RB1CC1: variants seen among roughly 807,000 people sequenced by gnomAD.
The protein encoded by RB1CC1 is RB1 inducible coiled-coil 1, also known as RB1-inducible coiled-coil protein 1.
RB1CC1 carries 46 observed loss-of-function variants against 177.5 expected under a neutral mutation model. That is an observed-to-expected ratio of 0.26 (90% CI 0.20 to 0.33). The LOEUF is 0.33. Among genes scored for constraint, RB1CC1 ranks in the 10% least tolerant of loss-of-function variants. The probability of loss-of-function intolerance (pLI) is 1.00; values close to 1 mark genes in which losing one functional copy is unlikely to be tolerated. For missense variants in RB1CC1, 1,703 were observed against 1,816.3 expected (o/e 0.94, Z 1.13); for synonymous variants, 666 against 613.6 (o/e 1.09, Z -1.26).
intron 6 of RB1CC1, among the ~76,000 whole-genome samples, chr8:52,674,989 T>C (rs1339570665): frequency 1.3e-5 from 2 of 152,152 alleles, no homozygotes; most frequent in Non-Finnish European, 2.9e-5. Flanking sequence ...ATAACTCTTG[T>C]ACTCATAACA....
Position 52,686,859 on chromosome 8 carries a change from G to C in RB1CC1, c.-58C>G, listed in dbSNP as rs1206087337. 1 of 454,542 alleles carries C rather than the reference G, an allele frequency of 2.2e-6. No individual in the cohort carries two copies. The highest frequency in any genetic ancestry group is 2.0e-5 in the African/African-American group (1 of 49,896). The allele number at this position is 454,542 out of a possible 1,614,324, so 28.2% of individuals were successfully genotyped here. ...GGTAGAAACTGTGACTTACCGTCAG[G>C]CACTGTGAAAAGGACTACCACTTTT... On this transcript the variant is annotated 5_prime_UTR_variant, in exon 2 of 24. Transcript: ENST00000025008.
intron 18 of RB1CC1, among the ~76,000 whole-genome samples, chr8:52,638,836 T>C (rs553259741): frequency 6.6e-6 from 1 of 152,264 alleles, no homozygotes; most frequent in East Asian, 1.9e-4. Context: ...GAGGAGTCCA[T>C]CCTTTTACCA....
intron 20 of RB1CC1, among the ~76,000 whole-genome samples, chr8:52,632,397 A>G (rs539060935): frequency 6.6e-5 from 10 of 152,342 alleles, no homozygotes; most frequent in African/African-American, 1.9e-4. Context: ...ATAACACAAC[A>G]AATAATAACT....
intron 8 of RB1CC1, among the ~76,000 whole-genome samples, chr8:52,666,529 A>AAAAAG (rs1554541874): frequency 1.3e-5 from 2 of 149,610 alleles, no homozygotes; most frequent in African/African-American, 4.9e-5. Context: ...AAAAAAAAAA[A>AAAAAG]AAAGAAAGAA....
intron 3 of RB1CC1, among the ~76,000 whole-genome samples, chr8:52,684,751 C>T (rs891340666): frequency 3.9e-5 from 6 of 152,054 alleles, no homozygotes; most frequent in Non-Finnish European, 7.4e-5. Context: ...ATGAAGCTTC[C>T]GATAATTCCC....
At chr8:52,628,946 A>C (rs995418386) in intron 21 of RB1CC1, among the ~76,000 whole-genome samples, 93 of 152,334 alleles carry the variant, frequency 6.1e-4, no homozygotes, top group African/African-American at 2.2e-3. Context: ...ATTACCTAAC[A>C]ACCATGTGGC....
chr8:52,700,934 C>T (rs775132526), intron 1 of RB1CC1, among the ~76,000 whole-genome samples: 1 of 152,132 alleles, frequency 6.6e-6, no homozygotes, highest in Non-Finnish European at 1.5e-5. Context: ...ATTGAATTTC[C>T]CTGGACCTGT....
At chr8:52,700,668 T>C (rs1247324910) in intron 1 of RB1CC1, among the ~76,000 whole-genome samples, 1 of 152,248 alleles carries the variant, frequency 6.6e-6, no homozygotes, top group Non-Finnish European at 1.5e-5. Context: ...ACAAACAATG[T>C]CTGATATGAC....
At position 52,683,652 on chromosome 8, in the gene RB1CC1, T is replaced by C. The variant is rs942623893; in HGVS notation, c.266A>G (p.Lys89Arg). 6.2e-7 allele frequency: 1 copy of C among 1,612,526 alleles called. No individual in the cohort carries two copies. The highest frequency in any genetic ancestry group is 8.5e-7 in the Non-Finnish European group (1 of 1,179,212). Residue 89 changes from lysine (K) to arginine (R), a missense_variant, in exon 5 of 24, where the codon AAA becomes AGA. By Grantham distance (26) the Lys-to-Arg change is conservative. This residue lies in a region of RB1CC1 where 118 missense variants were observed against 121.2 expected (regional missense o/e 0.97). Transcript: ENST00000025008. ...GTCATTTTCTGTCGAAAAGGTAGTTTTAGGAATAGCAGGTGGACGATCACA... is the reference window on the plus strand; with the variant it reads ...GTCATTTTCTGTCGAAAAGGTAGTTCTAGGAATAGCAGGTGGACGATCACA... ...ILCDRPPAIP[K>R]TTFSTENDME...
chr8:52,626,554 T>G (rs76447335), intron 22 of RB1CC1, among the ~76,000 whole-genome samples: 3,317 of 152,212 alleles, frequency 0.022, 67 homozygotes, highest in Non-Finnish European at 0.034. Flanking sequence ...GGTAAAGAAA[T>G]ATAGGTTTTC....
chr8:52,661,131 A>C lies in RB1CC1; in HGVS notation c.1509T>G (p.Val503=). ...GTTTTATGAACATTTTTCTTCTTAC[A>C]ACCTCAACAACAGCTAAGCAGTACA... ...PQMYCLAVVE[V]VRRKMFIKHY... The change falls in exon 10 of 24, where the codon GTT becomes GTG. Residue 503 remains valine (V), a synonymous_variant. Transcript: ENST00000025008. 6.2e-7 allele frequency: 1 copy of C among 1,613,504 alleles called. No homozygotes were observed.
rs149288454 is a variant in RB1CC1, at chr8:52,703,292, A to G, written c.-167+10783T>C. On this transcript the variant is annotated intron_variant, in intron 1 of 23. Transcript: ENST00000025008. The stretch of plus-strand genomic sequence containing the variant: ...GCATATCGGGCTCTAACAATTACCT[A>G]TCTGAGCACCTACTATCTGCAGATT... Among the ~76,000 whole-genome samples the G allele has an allele frequency of 3.2e-3, 491 of 152,296 alleles. 9 individuals carry two copies. Among genetic ancestry groups the G allele is most frequent in the Middle Eastern group, 0.02 (6 of 294 alleles).
At position 52,709,542 on chromosome 8, in the gene RB1CC1, C is replaced by G. The variant is rs535882581; in HGVS notation, c.-167+4533G>C. ...TCACTTCAGGCCAGGAGTTCAAGAC[C>G]AGCCTGGGAAACATGGTGAAACCCC... On this transcript the variant is annotated intron_variant, in intron 1 of 23. Transcript: ENST00000025008. Among the ~76,000 whole-genome samples, 179 of 152,168 alleles carry G rather than the reference C, an allele frequency of 1.2e-3. 1 individual carries two copies. Among genetic ancestry groups the G allele is most frequent in the African/African-American group, 4.2e-3 (174 of 41,524 alleles).
At chr8:52,689,773 T>C (rs1854645021) in intron 1 of RB1CC1, among the ~76,000 whole-genome samples, 1 of 152,082 alleles carries the variant, frequency 6.6e-6, no homozygotes. Flanking sequence ...AGGATTCTAT[T>C]TGCCCTGCCT....
Position 52,661,252 on chromosome 8 carries a change from T to C in RB1CC1, c.1388A>G (p.Asp463Gly), listed in dbSNP as rs1473652333. ...AGCTTGTAACTTCTCTCCATCTTGA[T>C]CAGCATGAAGCATTACAAAGCAACA... The part of the protein sequence containing the change: ...KWCCFVMLHA[D>G]QDGEKLQALL... The change falls in exon 10 of 24, where the codon GAT becomes GGT. Residue 463 changes from aspartate (D) to glycine (G), a missense_variant. Coordinates refer to ENST00000025008, the MANE Select transcript of RB1CC1 (RefSeq NM_014781.5). 1.9e-6 allele frequency: 3 copies of C among 1,613,800 alleles called. No individual in the cohort carries two copies. The highest frequency in any genetic ancestry group is 2.7e-5 in the African/African-American group (2 of 75,044).
At position 52,647,047 on chromosome 8, in the gene RB1CC1, A is replaced by G. The variant is rs953371264; in HGVS notation, c.3822-1180T>C. ...GGTGTGTTCTGCAATTAATATGGGCATGTATTTAAAATGTTCACTCTACAT... is the reference window on the plus strand; with the variant it reads ...GGTGTGTTCTGCAATTAATATGGGCGTGTATTTAAAATGTTCACTCTACAT... On this transcript the variant is annotated intron_variant, in intron 15 of 23. Transcript: ENST00000025008. 2.6e-5 allele frequency among the ~76,000 whole-genome samples: 4 copies of G among 152,274 alleles called. No homozygotes were observed. In the South Asian group the frequency reaches 8.3e-4, roughly 32 times the overall value.
Position 52,642,608 on chromosome 8 carries a change from T to C in RB1CC1, c.4097-17A>G, listed in dbSNP as rs1337462507. Reference sequence around the variant, plus strand: ...CTATCAAATCTGAAGGACACCCAAATTTAAAAAAGTATCATGTAATTAAAA... The same window carrying C: ...CTATCAAATCTGAAGGACACCCAAACTTAAAAAAGTATCATGTAATTAAAA... On this transcript the variant is annotated splice_polypyrimidine_tract_variant and intron_variant, in intron 17 of 23. Coordinates refer to ENST00000025008, the MANE Select transcript of RB1CC1 (RefSeq NM_014781.5). The C allele has an allele frequency of 6.2e-7, 1 of 1,607,876 alleles. No individual in the cohort carries two copies. The highest frequency in any genetic ancestry group is 8.5e-7 in the Non-Finnish European group (1 of 1,177,928).
intron 15 of RB1CC1, among the ~76,000 whole-genome samples, chr8:52,655,038 T>A (rs1323434863): frequency 2.0e-5 from 3 of 152,182 alleles, no homozygotes; most frequent in Admixed American, 1.3e-4. Flanking sequence ...CTGATTCTCT[T>A]TGACAAGCTC....
At chr8:52,642,970 T>C in intron 16 of RB1CC1, 158 bp from the exon 17 acceptor site, 2 of 837,542 alleles carry the variant, frequency 2.4e-6, no homozygotes, top group Non-Finnish European at 3.3e-6. Flanking sequence ...TGTAACATAC[T>C]GTGGCAAAGG....
Sources: gnomAD v4.1 joint callset for allele counts (sites outside exome capture counted in the v4.1 genomes callset) on GRCh38, gnomAD v4.1.1 for gene constraint, gnomAD v4.1.1 regional missense constraint, MANE v1.5 for transcripts, NCBI Gene and HGNC (gene_info 2026-07-23, HGNC 2026-07-21) for gene names.